LOC128092253: variants seen among roughly 807,000 people sequenced by gnomAD.
the LOC128092253 span, among the ~76,000 whole-genome samples, chr6:133,965,736 C>T: frequency 6.6e-6 from 1 of 151,836 alleles, no homozygotes; most frequent in Non-Finnish European, 1.5e-5. Flanking sequence ...ATATGATTTG[C>T]TTTTGTGTTC....
the LOC128092253 span, among the ~76,000 whole-genome samples, chr6:133,956,181 A>G: frequency 6.6e-6 from 1 of 152,220 alleles, no homozygotes; most frequent in African/African-American, 2.4e-5. Context: ...TGAACGTTGC[A>G]GTTGATTTTT....
At chr6:133,968,953 TC>T in the LOC128092253 span, 3 of 152,326 alleles carry the variant, frequency 2.0e-5, no homozygotes, top group East Asian at 5.8e-4. Flanking sequence ...GAGGCACCAC[TC>T]CTGGTCAGTA....
At chr6:133,958,190 GGACTT>G in the LOC128092253 span, among the ~76,000 whole-genome samples, 1 of 152,132 alleles carries the variant, frequency 6.6e-6, no homozygotes, top group Admixed American at 6.6e-5. Context: ...ATTTCCCTGT[GGACTT>G]GACTTGTTTA....
the LOC128092253 span, among the ~76,000 whole-genome samples, chr6:133,961,421 G>T: frequency 6.6e-6 from 1 of 150,748 alleles, no homozygotes; most frequent in East Asian, 1.9e-4. Flanking sequence ...CATATGGCTG[G>T]CTACTTCTTA....
At chr6:133,963,836 C>T in the LOC128092253 span, among the ~76,000 whole-genome samples, 1 of 151,118 alleles carries the variant, frequency 6.6e-6, no homozygotes, top group African/African-American at 2.4e-5. Context: ...CGAGACCATC[C>T]TGGCTAACGT....
At chr6:133,977,089 T>C in the LOC128092253 span, among the ~76,000 whole-genome samples, 1 of 152,234 alleles carries the variant, frequency 6.6e-6, no homozygotes, top group Non-Finnish European at 1.5e-5. Flanking sequence ...TCTTTGTTAA[T>C]ATCCAGTTCT....
chr6:133,973,841 G>A, the LOC128092253 span, among the ~76,000 whole-genome samples: 1 of 152,154 alleles, frequency 6.6e-6, no homozygotes, highest in African/African-American at 2.4e-5. Context: ...TGAGAAACAG[G>A]ACAAAACACC....
At chr6:133,976,788 A>G in the LOC128092253 span, among the ~76,000 whole-genome samples, 1 of 152,086 alleles carries the variant, frequency 6.6e-6, no homozygotes, top group African/African-American at 2.4e-5. Context: ...AGAGTTCAAG[A>G]GCAACCTGGC....
the LOC128092253 span, among the ~76,000 whole-genome samples, chr6:133,965,219 T>C: frequency 6.6e-6 from 1 of 152,228 alleles, no homozygotes; most frequent in Non-Finnish European, 1.5e-5. Context: ...TTACAGTAGC[T>C]TAGGACAAAT....
At chr6:133,963,769 G>A in the LOC128092253 span, among the ~76,000 whole-genome samples, 4 of 151,434 alleles carry the variant, frequency 2.6e-5, no homozygotes, top group African/African-American at 4.8e-5. Context: ...GGTGGCTCAC[G>A]CCTGTAATCC....
chr6:133,957,901 T>G, the LOC128092253 span, among the ~76,000 whole-genome samples: 2 of 152,246 alleles, frequency 1.3e-5, no homozygotes, highest in Non-Finnish European at 2.9e-5. Flanking sequence ...ATTTTAAAGG[T>G]GAACTGTTGG....
At chr6:133,978,911 A>G in the LOC128092253 span, among the ~76,000 whole-genome samples, 4 of 152,298 alleles carry the variant, frequency 2.6e-5, no homozygotes, top group African/African-American at 7.2e-5. Flanking sequence ...CAACTATAGT[A>G]TGTTTTTATC....
chr6:133,955,024 A>T, the LOC128092253 span, among the ~76,000 whole-genome samples: 1 of 152,234 alleles, frequency 6.6e-6, no homozygotes, highest in African/African-American at 2.4e-5. Flanking sequence ...TGGGAAACTT[A>T]AGTTGCATTT....
At chr6:133,956,304 A>C in the LOC128092253 span, among the ~76,000 whole-genome samples, 21,804 of 152,210 alleles carry the variant, frequency 0.14, 2,012 homozygotes, top group African/African-American at 0.27. Context: ...CTGAAACTTA[A>C]ATCCATTTTG....
chr6:133,956,486 T>C, the LOC128092253 span, among the ~76,000 whole-genome samples: 1 of 152,212 alleles, frequency 6.6e-6, no homozygotes, highest in Non-Finnish European at 1.5e-5. Context: ...TACTGCCTGG[T>C]ACTGTCACTA....
chr6:133,956,994 T>A, the LOC128092253 span, among the ~76,000 whole-genome samples: 2 of 152,198 alleles, frequency 1.3e-5, no homozygotes. Flanking sequence ...ATGGAGTTTG[T>A]GTATTTGTGT....
At chr6:133,962,054 T>G in the LOC128092253 span, among the ~76,000 whole-genome samples, 3 of 151,430 alleles carry the variant, frequency 2.0e-5, no homozygotes, top group East Asian at 3.9e-4. Flanking sequence ...GTTGAAGGAG[T>G]GGGGAAAGGA....
At chr6:133,972,573 A>G in the LOC128092253 span, among the ~76,000 whole-genome samples, 3 of 152,210 alleles carry the variant, frequency 2.0e-5, no homozygotes. Context: ...CGTAGTCATT[A>G]TGGAAACACA....
At chr6:133,967,581 G>C in the LOC128092253 span, among the ~76,000 whole-genome samples, 1 of 152,200 alleles carries the variant, frequency 6.6e-6, no homozygotes, top group Non-Finnish European at 1.5e-5. Context: ...CCTGGGCTAT[G>C]TAGTATAGCC....
Sources: gnomAD v4.1 joint callset for allele counts (sites outside exome capture counted in the v4.1 genomes callset) on GRCh38, gnomAD v4.1.1 for gene constraint, MANE v1.5 for transcripts.